Variants in ACOT13 observed in about 807,000 individuals in gnomAD.
ACOT13 encodes the protein acyl-coenzyme A thioesterase 13.
In ACOT13, 10 loss-of-function variants were observed where a neutral mutation model predicts 11.8. The observed-to-expected ratio is 0.85, with a 90% CI of 0.53 to 1.44. The LOEUF (loss-of-function observed/expected upper bound fraction) is 1.44. Among genes scored for constraint, ACOT13 ranks in the 40% most tolerant of loss-of-function variants. The pLI, the probability that ACOT13 is intolerant of heterozygous loss-of-function variation, is 0.00. For synonymous variants in ACOT13, 53 were observed against 61.0 expected, an observed-to-expected ratio of 0.87 and a Z score of 0.61; for missense variants, 172 against 174.1, an observed-to-expected ratio of 0.99 and a Z score of 0.07.
intron 1 of ACOT13, among the ~76,000 whole-genome samples, chr6:24,668,240 A>C (rs17243472): frequency 0.013 from 1,932 of 148,336 alleles, 33 homozygotes; most frequent in African/African-American, 0.035. Flanking sequence ...TTGTTTTGAG[A>C]TGGAGTCTTG....
At chr6:24,687,424 C>T (rs890626535) in intron 1 of ACOT13, 18 of 1,221,606 alleles carry the variant, frequency 1.5e-5, no homozygotes, top group African/African-American at 4.7e-5. Context: ...GAGGAACATA[C>T]GTTGGGAATA....
chr6:24,700,470 C>T (rs1185851083), intron 2 of ACOT13, among the ~76,000 whole-genome samples: 2 of 107,288 alleles, frequency 1.9e-5, no homozygotes, highest in East Asian at 3.2e-4. Context: ...GAATCTTGCT[C>T]TGTTGCCCAG....
chr6:24,688,436 A>T (rs1440578793), intron 1 of ACOT13, among the ~76,000 whole-genome samples: 1 of 150,982 alleles, frequency 6.6e-6, no homozygotes, highest in Non-Finnish European at 1.5e-5. Context: ...GCTGTGCAGG[A>T]GGCTAAGGTG....
intron 1 of ACOT13, among the ~76,000 whole-genome samples, chr6:24,683,672 G>A (rs944011589): frequency 3.4e-5 from 5 of 148,052 alleles, no homozygotes; most frequent in East Asian, 2.0e-4. Flanking sequence ...ACATTGGTTC[G>A]GTCTGGAAAG....
intron 1 of ACOT13, among the ~76,000 whole-genome samples, chr6:24,683,538 CA>C (rs1002782170): frequency 8.9e-5 from 13 of 146,872 alleles, no homozygotes; most frequent in African/African-American, 2.8e-4. Context: ...CTGTCTCTCT[CA>C]AAAAAAAAAT....
At chr6:24,676,587 T>C (rs989035060) in intron 1 of ACOT13, among the ~76,000 whole-genome samples, 1 of 152,240 alleles carries the variant, frequency 6.6e-6, no homozygotes, top group Admixed American at 6.5e-5. Context: ...CCTGAGACTT[T>C]GCTGAAGTTG....
intron 1 of ACOT13, among the ~76,000 whole-genome samples, chr6:24,685,478 C>T (rs1457531015): frequency 6.6e-6 from 1 of 151,784 alleles, no homozygotes; most frequent in Non-Finnish European, 1.5e-5. Context: ...TCCCGAGTAG[C>T]TGGGACTACA....
intron 1 of ACOT13, among the ~76,000 whole-genome samples, chr6:24,673,806 T>C (rs1778400431): frequency 6.6e-6 from 1 of 152,228 alleles, no homozygotes; most frequent in South Asian, 2.1e-4. Flanking sequence ...ATTGTAAACA[T>C]GATCATATAC....
At chr6:24,693,413 G>A (rs757132972) in intron 1 of ACOT13, among the ~76,000 whole-genome samples, 1 of 152,206 alleles carries the variant, frequency 6.6e-6, no homozygotes, top group Non-Finnish European at 1.5e-5. Flanking sequence ...CTGCATAGCA[G>A]CCAGCAGCAG....
chr6:24,672,187 T>A (rs1778376359), intron 1 of ACOT13, among the ~76,000 whole-genome samples: 1 of 152,202 alleles, frequency 6.6e-6, no homozygotes, highest in Admixed American at 6.5e-5. Context: ...TTAACCAAAG[T>A]GATAACTCAA....
chr6:24,699,221 T>A (rs1441143014), intron 2 of ACOT13, among the ~76,000 whole-genome samples: 1 of 150,962 alleles, frequency 6.6e-6, no homozygotes, highest in Non-Finnish European at 1.5e-5. Context: ...TTTTTTTTTT[T>A]TTTTTTGAGA....
rs1435618178 is a variant in ACOT13, at chr6:24,698,035, A to AG, written c.235dup (p.Ala79GlyfsTer80). 7 of 1,610,724 alleles carry AG rather than the reference A, an allele frequency of 4.3e-6. No individual in the cohort carries two copies. The highest frequency in any genetic ancestry group is 1.3e-5 in the African/African-American group (1 of 74,772). On this transcript the variant is annotated frameshift_variant, in exon 2 of 3. Transcript: ENST00000230048. LOFTEE classifies it high-confidence loss of function. ...TGGCTCTGCTATGCACGGAAAGGGG[A>AG]GCACCCGGAGTCAGTGTCGATATGA...
chr6:24,688,347 T>C (rs1285431016), intron 1 of ACOT13, among the ~76,000 whole-genome samples: 3 of 151,888 alleles, frequency 2.0e-5, no homozygotes, highest in Non-Finnish European at 4.4e-5. Flanking sequence ...GAGACCAGCC[T>C]AGGCAACAAA....
intron 1 of ACOT13, among the ~76,000 whole-genome samples, chr6:24,688,978 G>A (rs951900543): frequency 2.6e-5 from 4 of 152,144 alleles, no homozygotes; most frequent in Non-Finnish European, 5.9e-5. Flanking sequence ...AACATTAAAG[G>A]ATGCTTAAAA....
chr6:24,676,317 A>G (rs1285262958), intron 1 of ACOT13, among the ~76,000 whole-genome samples: 1 of 151,852 alleles, frequency 6.6e-6, no homozygotes, highest in East Asian at 1.9e-4. Context: ...TACCTTGGGC[A>G]GTATGGCCAT....
At chr6:24,690,759 C>T (rs1401914175) in intron 1 of ACOT13, among the ~76,000 whole-genome samples, 1 of 151,992 alleles carries the variant, frequency 6.6e-6, no homozygotes, top group Non-Finnish European at 1.5e-5. Flanking sequence ...TATTTTTGGC[C>T]TTCTCTTATA....
intron 1 of ACOT13, among the ~76,000 whole-genome samples, chr6:24,677,117 T>C (rs1406882702): frequency 6.6e-6 from 1 of 152,218 alleles, no homozygotes; most frequent in East Asian, 1.9e-4. Context: ...AAGTCCTTTT[T>C]CTGCAAAGGA....
chr6:24,698,164 C>G, intron 2 of ACOT13, 97 bp downstream of exon 2: 2 of 1,070,312 alleles, frequency 1.9e-6, no homozygotes, highest in Non-Finnish European at 2.5e-6. Context: ...GCATGAGATT[C>G]AATTAGCTGC....
chr6:24,679,799 C>T (rs1562157298), intron 1 of ACOT13, among the ~76,000 whole-genome samples: 1 of 152,220 alleles, frequency 6.6e-6, no homozygotes, highest in Non-Finnish European at 1.5e-5. Context: ...TATCTCTCCA[C>T]ATCAGATCAA....
Sources: gnomAD v4.1 joint callset for allele counts (sites outside exome capture counted in the v4.1 genomes callset) on GRCh38, gnomAD v4.1.1 for gene constraint, MANE v1.5 for transcripts, NCBI Gene and HGNC (gene_info 2026-07-23, HGNC 2026-07-21) for gene names.